MICU1: variants seen among roughly 807,000 people sequenced by gnomAD.
MICU1 encodes the protein calcium uptake protein 1, mitochondrial.
A neutral mutation model predicts 56.8 loss-of-function variants in MICU1; 45 were observed. That is an observed-to-expected ratio of 0.79 (90% CI 0.62 to 1.02). The LOEUF (loss-of-function observed/expected upper bound fraction) is 1.02. Ranked by LOEUF, MICU1 falls within the 50% of genes least tolerant of loss-of-function variation. The pLI, the probability that MICU1 is intolerant of heterozygous loss-of-function variation, is 0.00. For synonymous variants in MICU1, 186 were observed against 195.1 expected (o/e 0.95, Z 0.39); for missense variants, 504 against 587.1 (o/e 0.86, Z 1.46).
At chr10:72,453,593 A>G (rs1427460942) in intron 8 of MICU1, among the ~76,000 whole-genome samples, 1 of 149,764 alleles carries the variant, frequency 6.7e-6, no homozygotes, top group East Asian at 2.0e-4. Flanking sequence ...GCAGTGGCAT[A>G]TTCCTGGCTC....
At chr10:72,501,797 G>C (rs969304573) in intron 6 of MICU1, 1 of 152,134 alleles carries the variant, frequency 6.6e-6, no homozygotes, top group African/African-American at 2.4e-5. Flanking sequence ...GTAAGCACGA[G>C]ATATTTCTGC....
intron 1 of MICU1, among the ~76,000 whole-genome samples, chr10:72,601,005 C>T (rs868628361): frequency 6.6e-6 from 1 of 152,122 alleles, no homozygotes; most frequent in Non-Finnish European, 1.5e-5. Context: ...AATTTATCTC[C>T]TCAGGGGAAG....
intron 9 of MICU1, among the ~76,000 whole-genome samples, chr10:72,410,938 G>C (rs1045293391): frequency 2.6e-5 from 4 of 152,158 alleles, no homozygotes; most frequent in Admixed American, 2.6e-4. Context: ...GCCATCAAAA[G>C]ACACATAAAG....
intron 10 of MICU1, among the ~76,000 whole-genome samples, chr10:72,400,317 G>A (rs919604901): frequency 6.6e-6 from 1 of 151,758 alleles, no homozygotes; most frequent in Non-Finnish European, 1.5e-5. Context: ...TATTTTGTAC[G>A]CCCTATAATT....
At chr10:72,513,043 G>A (rs763897208) in intron 5 of MICU1, among the ~76,000 whole-genome samples, 1 of 151,942 alleles carries the variant, frequency 6.6e-6, no homozygotes, top group Non-Finnish European at 1.5e-5. Flanking sequence ...TTGCTCTGTC[G>A]CACAGGATGA....
chr10:72,406,072 T>A (rs1402224190), intron 10 of MICU1, among the ~76,000 whole-genome samples: 1 of 151,990 alleles, frequency 6.6e-6, no homozygotes, highest in Non-Finnish European at 1.5e-5. Flanking sequence ...GATGATAGGA[T>A]TATTTACATA....
intron 8 of MICU1, among the ~76,000 whole-genome samples, chr10:72,454,847 T>C (rs1333007375): frequency 6.6e-6 from 1 of 151,360 alleles, no homozygotes; most frequent in Non-Finnish European, 1.5e-5. Context: ...CAAATTCAAG[T>C]TGATACACAT....
chr10:72,427,601 G>C (rs1272996428), intron 8 of MICU1, among the ~76,000 whole-genome samples: 1 of 151,914 alleles, frequency 6.6e-6, no homozygotes, highest in East Asian at 1.9e-4. Context: ...CAAGTTTTCA[G>C]AATGATAAAT....
At position 72,516,287 on chromosome 10, in the gene MICU1, T is replaced by G. The variant is rs937960543; in HGVS notation, c.538-8018A>C. Reference sequence around the variant, plus strand: ...TTCATCTACTTTTTGTTGGGGTTATTTTTTTCTTGTAAATTTATTTAAGTT... The same window carrying G: ...TTCATCTACTTTTTGTTGGGGTTATGTTTTTCTTGTAAATTTATTTAAGTT... On this transcript the variant is annotated intron_variant, in intron 5 of 11. Transcript: ENST00000361114. 2.0e-5 allele frequency among the ~76,000 whole-genome samples: 3 copies of G among 152,322 alleles called. No individual in the cohort carries two copies. The South Asian group carries it at 6.2e-4, about 32-fold the overall frequency.
At chr10:72,438,303 G>A (rs1178964932) in intron 8 of MICU1, among the ~76,000 whole-genome samples, 1 of 152,204 alleles carries the variant, frequency 6.6e-6, no homozygotes, top group African/African-American at 2.4e-5. Context: ...TGACTACTGG[G>A]TAAATAACGA....
chr10:72,528,507 A>G (rs1868026817), intron 5 of MICU1, among the ~76,000 whole-genome samples: 1 of 152,170 alleles, frequency 6.6e-6, no homozygotes, highest in South Asian at 2.1e-4. Context: ...TCTGGAAGCC[A>G]AGAGAGAGAG....
chr10:72,603,887 A>G (rs1056744298), intron 1 of MICU1, among the ~76,000 whole-genome samples: 1 of 152,214 alleles, frequency 6.6e-6, no homozygotes, highest in African/African-American at 2.4e-5. Context: ...AGGACAACTC[A>G]AAGCAGGGGC....
At chr10:72,394,177 C>T (rs1003398110) in intron 10 of MICU1, among the ~76,000 whole-genome samples, 2 of 152,014 alleles carry the variant, frequency 1.3e-5, no homozygotes, top group African/African-American at 4.8e-5. Flanking sequence ...GACTTAGAGC[C>T]CAGCTGGATA....
chr10:72,375,493 G>C (rs530507854), intron 11 of MICU1, among the ~76,000 whole-genome samples: 4 of 152,322 alleles, frequency 2.6e-5, no homozygotes, highest in African/African-American at 9.6e-5. Context: ...GTAGCAAGTT[G>C]AGTCTGACAT....
chr10:72,373,925 G>A (rs1862430518), intron 11 of MICU1, among the ~76,000 whole-genome samples: 2 of 152,164 alleles, frequency 1.3e-5, no homozygotes, highest in Non-Finnish European at 2.9e-5. Context: ...ATTCAATACA[G>A]TAGCCACTAG....
chr10:72,591,872 C>T (rs1409941726), intron 1 of MICU1, among the ~76,000 whole-genome samples: 1 of 151,700 alleles, frequency 6.6e-6, no homozygotes, highest in Non-Finnish European at 1.5e-5. Flanking sequence ...ATTAGCCAGG[C>T]GTGGTGTGTG....
At chr10:72,582,907 T>C (rs889512588) in intron 1 of MICU1, 1 of 151,776 alleles carries the variant, frequency 6.6e-6, no homozygotes, top group African/African-American at 2.4e-5. Context: ...TACATGACCA[T>C]CGAGTGTCCA....
intron 1 of MICU1, among the ~76,000 whole-genome samples, chr10:72,581,701 C>T (rs1840904094): frequency 6.6e-6 from 1 of 152,094 alleles, no homozygotes; most frequent in South Asian, 2.1e-4. Context: ...ATACAAAAAA[C>T]TTAGCTTATC....
intron 1 of MICU1, among the ~76,000 whole-genome samples, chr10:72,612,352 T>C (rs1841874033): frequency 6.6e-6 from 1 of 152,130 alleles, no homozygotes; most frequent in Admixed American, 6.6e-5. Flanking sequence ...TGACCAGACT[T>C]TAATCTGAGC....
Sources: allele counts gnomAD v4.1 joint callset (sites outside exome capture counted in the v4.1 genomes callset), GRCh38; gene constraint gnomAD v4.1.1; transcripts MANE v1.5; gene names NCBI Gene and HGNC (gene_info 2026-07-23, HGNC 2026-07-21).